MPP7: variants seen among roughly 807,000 people sequenced by gnomAD.
MPP7 encodes the protein MAGUK p55 scaffold protein 7.
MPP7 carries 60 observed loss-of-function variants against 76.5 expected under a neutral mutation model. That is an observed-to-expected ratio of 0.78 (90% CI 0.64 to 0.97). MPP7 has a LOEUF of 0.97. MPP7 is among the 50% of genes least tolerant of loss of function. The pLI, the probability that MPP7 is intolerant of heterozygous loss-of-function variation, is 0.00. For synonymous variants in MPP7, 237 were observed against 244.5 expected, an observed-to-expected ratio of 0.97 and a Z score of 0.29; for missense variants, 641 against 694.0, an observed-to-expected ratio of 0.92 and a Z score of 0.86.
intron 1 of MPP7, among the ~76,000 whole-genome samples, chr10:28,275,249 C>A (rs1173589217): frequency 2.6e-5 from 4 of 152,144 alleles, no homozygotes; most frequent in Non-Finnish European, 4.4e-5. Context: ...TCCACTACCT[C>A]CCCAAGACGT....
At position 28,270,532 on chromosome 10, in the gene MPP7, A is replaced by AGG. The variant is rs71391026; in HGVS notation, c.-131-31799_-131-31798dup. Among the ~76,000 whole-genome samples, 112 of 15,426 alleles carry AGG rather than the reference A, an allele frequency of 7.3e-3. 1 individual carries two copies. The highest frequency in any genetic ancestry group is 8.9e-3 in the Non-Finnish European group (74 of 8,298). 10.1% of individuals were successfully genotyped at this position (15,426 alleles called of 152,430 possible). On this transcript the variant is annotated intron_variant, in intron 1 of 16. Coordinates refer to ENST00000683449, the MANE Select transcript of MPP7 (RefSeq NM_001318170.2). Reference sequence around the variant, plus strand: ...AAGACTATCTCTTTAAAAAAAAAAAAGGGGGGGGGGGAGGAGGGGAGCTGG... The same window carrying AGG: ...AAGACTATCTCTTTAAAAAAAAAAAAGGGGGGGGGGGGGAGGAGGGGAGCTGG...
intron 11 of MPP7, chr10:28,118,852 A>G: frequency 1.0e-6 from 1 of 985,376 alleles, no homozygotes; most frequent in Non-Finnish European, 1.2e-6. Context: ...AATACTAAAA[A>G]CAGATGTTGG....
chr10:28,276,558 G>A (rs1405895604), intron 1 of MPP7, among the ~76,000 whole-genome samples: 1 of 152,034 alleles, frequency 6.6e-6, no homozygotes, highest in Non-Finnish European at 1.5e-5. Context: ...AAGAGTCTTT[G>A]AGTCGGATTA....
chr10:28,155,757 G>C (rs1836040325), intron 3 of MPP7, among the ~76,000 whole-genome samples: 1 of 151,864 alleles, frequency 6.6e-6, no homozygotes, highest in Non-Finnish European at 1.5e-5. Flanking sequence ...TTGTGCTAGT[G>C]GTCAGAAACT....
intron 1 of MPP7, among the ~76,000 whole-genome samples, chr10:28,240,120 C>G (rs558695270): frequency 4.5e-4 from 69 of 152,232 alleles, no homozygotes; most frequent in African/African-American, 1.5e-3. Flanking sequence ...TTGTAGAAAT[C>G]AGAAGAACCA....
intron 1 of MPP7, among the ~76,000 whole-genome samples, chr10:28,264,324 G>A (rs535814543): frequency 3.1e-4 from 47 of 151,996 alleles, no homozygotes; most frequent in Non-Finnish European, 5.1e-4. Flanking sequence ...TAAAAATTGG[G>A]GCAAAGAGCA....
intron 1 of MPP7, among the ~76,000 whole-genome samples, chr10:28,302,567 G>A (rs1010228424): frequency 6.6e-6 from 1 of 152,158 alleles, no homozygotes; most frequent in Non-Finnish European, 1.5e-5. Flanking sequence ...CCCGCTCTGG[G>A]TCTGCCCCGC....
intron 3 of MPP7, among the ~76,000 whole-genome samples, chr10:28,168,981 C>T (rs913020022): frequency 6.6e-6 from 1 of 152,118 alleles, no homozygotes; most frequent in Non-Finnish European, 1.5e-5. Flanking sequence ...TTCTACAGTA[C>T]TGTCCCAGTT....
In MPP7 at chr10:28,252,068, T is replaced by A. The variant is rs1396888492; in HGVS notation, c.-131-13333A>T. Among the ~76,000 whole-genome samples the A allele has an allele frequency of 3.9e-5, 6 of 152,334 alleles. No homozygotes were observed. The East Asian group carries it at 1.2e-3, about 29-fold the overall frequency. ...TACACTTGAGACAAGACAACAGACC[T>A]CAAATTATCGGTTACTGCCAAAATC... On this transcript the variant is annotated intron_variant, in intron 1 of 16. Coordinates refer to ENST00000683449, the MANE Select transcript of MPP7 (RefSeq NM_001318170.2).
At chr10:28,246,073 G>A (rs765088184) in intron 1 of MPP7, among the ~76,000 whole-genome samples, 1 of 152,130 alleles carries the variant, frequency 6.6e-6, no homozygotes, top group Non-Finnish European at 1.5e-5. Flanking sequence ...TTTCCCAAAT[G>A]TGAGGGGAGA....
chr10:28,162,812 T>C (rs1355309595), intron 3 of MPP7, among the ~76,000 whole-genome samples: 1 of 152,160 alleles, frequency 6.6e-6, no homozygotes, highest in African/African-American at 2.4e-5. Flanking sequence ...ACCGTGACTT[T>C]TGTCTTGCAG....
intron 1 of MPP7, among the ~76,000 whole-genome samples, chr10:28,302,531 A>G (rs931502831): frequency 6.6e-6 from 1 of 152,072 alleles, no homozygotes; most frequent in Admixed American, 6.5e-5. Flanking sequence ...TCAACTCCGC[A>G]GTTTTTCCTC....
intron 3 of MPP7, among the ~76,000 whole-genome samples, chr10:28,167,602 G>C (rs147296841): frequency 6.6e-6 from 1 of 151,988 alleles, no homozygotes; most frequent in Non-Finnish European, 1.5e-5. Context: ...ACCTACACGC[G>C]TACCTACTGA....
At chr10:28,166,023 CAAA>C (rs9299600) in intron 3 of MPP7, among the ~76,000 whole-genome samples, 1 of 99,956 alleles carries the variant, frequency 1.0e-5, no homozygotes, top group Admixed American at 1.2e-4. Flanking sequence ...AGACTCATCT[CAAA>C]AAAAAAAAAA....
chr10:28,233,900 G>C (rs1474281976), intron 2 of MPP7, among the ~76,000 whole-genome samples: 1 of 149,798 alleles, frequency 6.7e-6, no homozygotes, highest in Non-Finnish European at 1.5e-5. Flanking sequence ...AAAAGAAAAA[G>C]AAAGGAAAGG....
chr10:28,095,427 C>T (rs537061953), intron 11 of MPP7, among the ~76,000 whole-genome samples: 112 of 152,020 alleles, frequency 7.4e-4, no homozygotes, highest in African/African-American at 2.6e-3. Context: ...AGATTCTGTC[C>T]CCCATGGGTA....
intron 1 of MPP7, chr10:28,334,336 T>G (rs1834496824): frequency 6.6e-6 from 1 of 152,180 alleles, no homozygotes. Flanking sequence ...TAATTCAAGA[T>G]ATTATACATA....
At chr10:28,121,266 CTTTTTT>C (rs11327373) in intron 8 of MPP7, among the ~76,000 whole-genome samples, 2 of 136,716 alleles carry the variant, frequency 1.5e-5, no homozygotes, top group Non-Finnish European at 3.2e-5. Flanking sequence ...GAGCAAGAAG[CTTTTTT>C]TTTTTTTTTT....
chr10:28,176,509 TG>T (rs1417473500), intron 3 of MPP7, among the ~76,000 whole-genome samples: 2 of 151,724 alleles, frequency 1.3e-5, no homozygotes, highest in African/African-American at 4.8e-5. Context: ...CTGAGGTGGG[TG>T]GATCACAAGG....
Sources: allele counts gnomAD v4.1 joint callset (sites outside exome capture counted in the v4.1 genomes callset), GRCh38; gene constraint gnomAD v4.1.1; transcripts MANE v1.5; gene names NCBI Gene and HGNC (gene_info 2026-07-23, HGNC 2026-07-21).